CACNA2D3: variants seen among roughly 807,000 people sequenced by gnomAD.
The protein encoded by CACNA2D3 is voltage-dependent calcium channel subunit alpha-2/delta-3.
A neutral mutation model predicts 160.6 loss-of-function variants in CACNA2D3; 60 were observed. The observed-to-expected ratio is 0.37, with a 90% CI of 0.30 to 0.46. The LOEUF is 0.46. Among genes scored for constraint, CACNA2D3 ranks in the 20% least tolerant of loss-of-function variants. CACNA2D3 has a pLI of 1.00. For synonymous variants in CACNA2D3, 558 were observed against 492.9 expected (o/e 1.13, Z -1.75); for missense variants, 1,205 against 1,365.0 (o/e 0.88, Z 1.85).
chr3:54,367,773 G>T (rs1698851944), intron 3 of CACNA2D3, among the ~76,000 whole-genome samples: 1 of 152,100 alleles, frequency 6.6e-6, no homozygotes, highest in Admixed American at 6.6e-5. Context: ...AGTTTTTTGG[G>T]TTATGTTCCT....
At chr3:54,374,169 C>G (rs991703766) in intron 3 of CACNA2D3, among the ~76,000 whole-genome samples, 1 of 152,174 alleles carries the variant, frequency 6.6e-6, no homozygotes, top group Non-Finnish European at 1.5e-5. Flanking sequence ...AAACTGCTGT[C>G]TGAGTTGACA....
intron 2 of CACNA2D3, among the ~76,000 whole-genome samples, chr3:54,287,024 G>A (rs1159056054): frequency 2.6e-5 from 4 of 151,952 alleles, no homozygotes; most frequent in African/African-American, 9.7e-5. Flanking sequence ...ATCAACTAAA[G>A]AGCAAAATCA....
At chr3:54,181,108 G>T in intron 2 of CACNA2D3, among the ~76,000 whole-genome samples, 1 of 152,202 alleles carries the variant, frequency 6.6e-6, no homozygotes, top group South Asian at 2.1e-4. Flanking sequence ...GACACTGAGA[G>T]TATTCACCCT....
At chr3:55,009,472 G>C (rs775866106) in intron 34 of CACNA2D3, 29 bp downstream of exon 34, 22 of 1,605,974 alleles carry the variant, frequency 1.4e-5, no homozygotes, top group Non-Finnish European at 1.8e-5. Context: ...CTGTTTCCCA[G>C]CTTGGAGGGA....
chr3:54,254,347 C>G lies in CACNA2D3; in HGVS notation c.205-66095C>G, dbSNP rs1559897462. ...CCTCCCTACTTGTCCATTTCCCTTT[C>G]AAGGGGGCTGGCCTAGGGACCAGTG... On this transcript the variant is annotated intron_variant, in intron 2 of 37. Coordinates refer to ENST00000474759, the MANE Select transcript of CACNA2D3 (RefSeq NM_018398.3). Among the ~76,000 whole-genome samples, 6 of 152,162 alleles carry G rather than the reference C, an allele frequency of 3.9e-5. No individual in the cohort carries two copies. In the South Asian group the frequency reaches 1.2e-3, roughly 32 times the overall value.
intron 5 of CACNA2D3, among the ~76,000 whole-genome samples, chr3:54,542,697 A>C (rs189591396): frequency 1.3e-5 from 2 of 151,958 alleles, no homozygotes; most frequent in African/African-American, 4.8e-5. Context: ...TTTTAGTCAC[A>C]CTGGCGGCTG....
chr3:54,402,429 G>C (rs1699485454), intron 4 of CACNA2D3, among the ~76,000 whole-genome samples: 1 of 152,096 alleles, frequency 6.6e-6, no homozygotes, highest in Non-Finnish European at 1.5e-5. Context: ...TGAAAGTAAA[G>C]GAATGGAAGA....
intron 11 of CACNA2D3, among the ~76,000 whole-genome samples, chr3:54,678,383 A>C (rs1700279743): frequency 6.6e-6 from 1 of 152,152 alleles, no homozygotes; most frequent in Non-Finnish European, 1.5e-5. Flanking sequence ...GCGTAGAGGA[A>C]ATCCTGAAAT....
intron 9 of CACNA2D3, among the ~76,000 whole-genome samples, chr3:54,595,944 G>A (rs1432882857): frequency 6.6e-6 from 1 of 151,942 alleles, no homozygotes; most frequent in Non-Finnish European, 1.5e-5. Flanking sequence ...TCTATATAGG[G>A]CCCCTTGAAT....
intron 35 of CACNA2D3, among the ~76,000 whole-genome samples, chr3:55,023,663 T>A (rs555389054): frequency 6.6e-6 from 1 of 152,170 alleles, no homozygotes; most frequent in Admixed American, 6.5e-5. Flanking sequence ...AGAATAGAAT[T>A]TGAGTTTCTC....
At position 54,763,814 on chromosome 3, in the gene CACNA2D3, T is replaced by TATATAC. The variant is rs1559573800; in HGVS notation, c.1247-399_1247-398insCATATA. On this transcript the variant is annotated intron_variant, in intron 12 of 37. Transcript: ENST00000474759. Reference sequence around the variant, plus strand: ...GTATATATATGTACATATATATACATATATATATACGTATATATATGTATA... The same window carrying TATATAC: ...GTATATATATGTACATATATATACATATATACATATATATACGTATATATATGTATA... Among the ~76,000 whole-genome samples the TATATAC allele has an allele frequency of 2.3e-3, 12 of 5,210 alleles. 3 individuals carry two copies. The highest frequency in any genetic ancestry group is 7.8e-3 in the Admixed American group (2 of 256). The allele number at this position is 5,210 out of a possible 152,430, so 3.4% of individuals were successfully genotyped here. A position where few individuals can be genotyped will look rare whatever the true frequency, so the allele number is the denominator to read the frequency against.
chr3:54,132,356 C>T (rs945867887), intron 2 of CACNA2D3, among the ~76,000 whole-genome samples: 9 of 152,102 alleles, frequency 5.9e-5, no homozygotes, highest in Admixed American at 1.3e-4. Context: ...TGTTTGTGTG[C>T]GGGTGTATGT....
At chr3:54,491,413 G>A (rs1701106837) in intron 4 of CACNA2D3, among the ~76,000 whole-genome samples, 1 of 152,232 alleles carries the variant, frequency 6.6e-6, no homozygotes, top group Non-Finnish European at 1.5e-5. Context: ...GGAAGCAGAA[G>A]CCACCCTTGA....
At chr3:54,844,802 A>G (rs1417207545) in intron 16 of CACNA2D3, among the ~76,000 whole-genome samples, 5 of 152,036 alleles carry the variant, frequency 3.3e-5, no homozygotes, top group African/African-American at 1.2e-4. Context: ...CAAGCAAAAG[A>G]AGAAGAACCA....
chr3:55,036,009 T>A (rs989923424), intron 35 of CACNA2D3, among the ~76,000 whole-genome samples: 9 of 152,112 alleles, frequency 5.9e-5, no homozygotes, highest in Admixed American at 5.9e-4. Flanking sequence ...AGATACAACA[T>A]CAGTTCCACC....
chr3:54,128,448 C>A (rs1343443532), intron 2 of CACNA2D3, among the ~76,000 whole-genome samples: 1 of 152,292 alleles, frequency 6.6e-6, no homozygotes, highest in East Asian at 1.9e-4. Context: ...GGATTTATCT[C>A]CACTTGGTGT....
At chr3:55,064,517 A>G (rs1409499466) in intron 35 of CACNA2D3, among the ~76,000 whole-genome samples, 1 of 152,116 alleles carries the variant, frequency 6.6e-6, no homozygotes, top group East Asian at 1.9e-4. Context: ...GCAAGCCTCA[A>G]CCACCCCCTC....
At chr3:54,712,106 G>A (rs1244646867) in intron 11 of CACNA2D3, among the ~76,000 whole-genome samples, 1 of 152,198 alleles carries the variant, frequency 6.6e-6, no homozygotes, top group Non-Finnish European at 1.5e-5. Context: ...CCTCAGGCAA[G>A]AGTATAAAGC....
chr3:54,615,912 A>G (rs1167157696), intron 9 of CACNA2D3, among the ~76,000 whole-genome samples: 2 of 152,114 alleles, frequency 1.3e-5, no homozygotes, highest in Non-Finnish European at 2.9e-5. Flanking sequence ...AGGAGTGCAA[A>G]CCTTATTGTG....
Sources: allele counts gnomAD v4.1 joint callset (sites outside exome capture counted in the v4.1 genomes callset), GRCh38; gene constraint gnomAD v4.1.1; transcripts MANE v1.5; gene names NCBI Gene and HGNC (gene_info 2026-07-23, HGNC 2026-07-21).